PID1: variants seen among roughly 807,000 people sequenced by gnomAD.
The protein encoded by PID1 is PTB-containing, cubilin and LRP1-interacting protein.
Under a neutral mutation model 19.1 loss-of-function variants are expected in PID1, and 10 were observed. The observed-to-expected ratio is 0.52, with a 90% confidence interval of 0.32 to 0.89. The LOEUF (loss-of-function observed/expected upper bound fraction) is 0.89, where lower values mean the gene tolerates loss of function less well. Ranked by LOEUF, PID1 falls within the 40% of genes least tolerant of loss-of-function variation. The pLI is 0.03. For missense variants in PID1, 248 were observed against 285.3 expected (o/e 0.87, Z 0.94); for synonymous variants, 130 against 116.0 (o/e 1.12, Z -0.78).
intron 2 of PID1, among the ~76,000 whole-genome samples, chr2:229,142,232 TAAA>T (rs1010331244): frequency 3.3e-5 from 5 of 152,144 alleles, no homozygotes; most frequent in Admixed American, 2.6e-4. Context: ...AATATCTCTT[TAAA>T]CTTGAAAGTA....
intron 1 of PID1, among the ~76,000 whole-genome samples, chr2:229,227,613 T>C (rs143681673): frequency 9.1e-4 from 138 of 152,286 alleles, no homozygotes; most frequent in African/African-American, 2.7e-3. Flanking sequence ...CAGGTGCAGA[T>C]AGAATTCTAC....
intron 1 of PID1, among the ~76,000 whole-genome samples, chr2:229,243,207 C>T (rs935345556): frequency 1.3e-5 from 2 of 152,036 alleles, no homozygotes; most frequent in South Asian, 2.1e-4. Context: ...CATCAGATCT[C>T]GTGAGATTTA....
At chr2:229,041,474 A>G (rs747488911) in intron 2 of PID1, among the ~76,000 whole-genome samples, 3 of 152,230 alleles carry the variant, frequency 2.0e-5, no homozygotes, top group Admixed American at 6.5e-5. Flanking sequence ...TTCCTATACT[A>G]GAACACAAAC....
intron 2 of PID1, among the ~76,000 whole-genome samples, chr2:229,140,159 A>C (rs1689982412): frequency 6.6e-6 from 1 of 152,164 alleles, no homozygotes; most frequent in Non-Finnish European, 1.5e-5. Context: ...AATATATTAA[A>C]ATTTCTATTT....
At chr2:229,165,598 T>C (rs1289706674) in intron 1 of PID1, among the ~76,000 whole-genome samples, 1 of 151,402 alleles carries the variant, frequency 6.6e-6, no homozygotes, top group East Asian at 1.9e-4. Context: ...AAAAAAAAAT[T>C]GTCAGACATG....
chr2:229,041,270 G>C (rs953846311), intron 2 of PID1, among the ~76,000 whole-genome samples: 1 of 152,142 alleles, frequency 6.6e-6, no homozygotes, highest in Non-Finnish European at 1.5e-5. Context: ...GGAGGAAAGT[G>C]CCCAAAGAAT....
At chr2:229,029,523 A>G in intron 2 of PID1, among the ~76,000 whole-genome samples, 1 of 152,156 alleles carries the variant, frequency 6.6e-6, no homozygotes, top group Non-Finnish European at 1.5e-5. Context: ...TACCATGTAG[A>G]AAACAGCGTG....
intron 2 of PID1, among the ~76,000 whole-genome samples, chr2:229,046,352 G>A (rs1275630019): frequency 6.9e-6 from 1 of 144,226 alleles, no homozygotes; most frequent in Non-Finnish European, 1.5e-5. Flanking sequence ...AGGAAAGTGT[G>A]TGTGTGTGTG....
At position 229,174,326 on chromosome 2, in the gene PID1, G is replaced by A. The variant is rs143964588; in HGVS notation, c.31-18362C>T. ...AATAAGTAGTTTATGGACATTCCAC[G>A]GGTAGATGATAGAGGTACCTACGGA... On this transcript the variant is annotated intron_variant, in intron 1 of 2. Transcript: ENST00000392055. 8.9e-3 allele frequency among the ~76,000 whole-genome samples: 1,361 copies of A among 152,188 alleles called. 4 individuals carry two copies. The highest frequency in any genetic ancestry group is 0.014 in the Non-Finnish European group (982 of 68,012).
rs879725750 is a variant in PID1 at position 229,139,161 on chromosome 2, G to A, written c.177+16657C>T. On this transcript the variant is annotated intron_variant, in intron 2 of 2. Transcript: ENST00000392055. ...AGAAAGAAAGAAAGCAAGCGAGCGA[G>A]CAAGCGAGCTTCCCTTGACCAAACA... Among the ~76,000 whole-genome samples the A allele has an allele frequency of 6.1e-5, 8 of 130,662 alleles. 1 individual carries two copies. In the South Asian group the frequency reaches 1.2e-3, roughly 20 times the overall value. 85.7% of individuals were successfully genotyped at this position (130,662 alleles called of 152,430 possible).
At chr2:229,142,085 G>T (rs939474429) in intron 2 of PID1, among the ~76,000 whole-genome samples, 1 of 151,882 alleles carries the variant, frequency 6.6e-6, no homozygotes, top group Admixed American at 6.6e-5. Flanking sequence ...GCCACTTTTT[G>T]GTCATATCTT....
chr2:229,260,462 G>A (rs1690428206), intron 1 of PID1, among the ~76,000 whole-genome samples: 2 of 89,988 alleles, frequency 2.2e-5, no homozygotes, highest in Non-Finnish European at 5.0e-5. Flanking sequence ...TTAAAAAGTT[G>A]CATATATATA....
At chr2:229,108,281 T>C (rs1231125544) in intron 2 of PID1, among the ~76,000 whole-genome samples, 1 of 152,202 alleles carries the variant, frequency 6.6e-6, no homozygotes, top group Middle Eastern at 3.2e-3. Flanking sequence ...ACTCAGTTTA[T>C]TAGTTTATTA....
intron 2 of PID1, among the ~76,000 whole-genome samples, chr2:229,114,633 C>T (rs1029869122): frequency 1.3e-5 from 2 of 152,276 alleles, no homozygotes; most frequent in East Asian, 1.9e-4. Flanking sequence ...CTTCACTATT[C>T]GCATTGACTG....
chr2:229,070,574 C>T lies in PID1; in HGVS notation c.178-44466G>A, dbSNP rs568245224. Among the ~76,000 whole-genome samples the T allele has an allele frequency of 5.9e-5, 9 of 152,204 alleles. No homozygotes were observed. The South Asian group carries it at 6.2e-4, about 11-fold the overall frequency. The stretch of plus-strand genomic sequence containing the variant: ...GGCCCCTCCGAAGGAAGAAGATGGA[C>T]GTCCACCCAAAATTCGGTTCCAATG... On this transcript the variant is annotated intron_variant, in intron 2 of 2. Coordinates refer to ENST00000392055, the MANE Select transcript of PID1 (RefSeq NM_001100818.2).
chr2:229,124,578 C>G (rs984395044), intron 2 of PID1, among the ~76,000 whole-genome samples: 3 of 152,118 alleles, frequency 2.0e-5, no homozygotes, highest in African/African-American at 7.2e-5. Flanking sequence ...TTCATATTTG[C>G]CTTTATTCTA....
At chr2:229,173,733 A>T (rs1690756689) in intron 1 of PID1, among the ~76,000 whole-genome samples, 1 of 152,170 alleles carries the variant, frequency 6.6e-6, no homozygotes, top group Non-Finnish European at 1.5e-5. Flanking sequence ...CTCTTCCCTT[A>T]TCCCTCAGGC....
chr2:229,067,627 C>T (rs574297494), intron 2 of PID1, among the ~76,000 whole-genome samples: 7 of 152,268 alleles, frequency 4.6e-5, no homozygotes, highest in African/African-American at 1.4e-4. Flanking sequence ...CTCCTCTGCC[C>T]TGCCCATTAC....
intron 2 of PID1, among the ~76,000 whole-genome samples, chr2:229,057,463 A>AAG (rs1331175277): frequency 6.6e-6 from 1 of 151,908 alleles, no homozygotes. Context: ...CTAAAAAAAA[A>AAG]AAAAAAAACC....
Sources: allele counts gnomAD v4.1 joint callset (sites outside exome capture counted in the v4.1 genomes callset), GRCh38; gene constraint gnomAD v4.1.1; transcripts MANE v1.5; gene names NCBI Gene and HGNC (gene_info 2026-07-23, HGNC 2026-07-21).